TRIM55: variants seen among roughly 807,000 people sequenced by gnomAD.
TRIM55 encodes tripartite motif containing 55.
TRIM55 carries 50 observed loss-of-function variants against 60.9 expected under a neutral mutation model. The ratio of observed to expected loss-of-function variants is 0.82; its 90% CI spans 0.65 to 1.04. TRIM55 has a LOEUF of 1.04. Among genes scored for constraint, TRIM55 ranks in the 50% least tolerant of loss-of-function variants. The pLI, the probability that TRIM55 is intolerant of heterozygous loss-of-function variation, is 0.00. For missense variants in TRIM55, 681 were observed against 666.9 expected (o/e 1.02, Z -0.23); for synonymous variants, 237 against 238.1 (o/e 1.00, Z 0.04).
intron 9 of TRIM55, among the ~76,000 whole-genome samples, chr8:66,158,381 A>G (rs1197053151): frequency 6.6e-6 from 1 of 152,232 alleles, no homozygotes; most frequent in African/African-American, 2.4e-5. Flanking sequence ...TCCATTTTTT[A>G]CATTCTATTC....
intron 4 of TRIM55, among the ~76,000 whole-genome samples, chr8:66,144,893 C>A (rs1405623583): frequency 1.3e-5 from 2 of 152,170 alleles, no homozygotes; most frequent in East Asian, 3.8e-4. Context: ...ATGCAAAAGT[C>A]CACATTTTTT....
At chr8:66,117,003 T>C in the TRIM55 span, among the ~76,000 whole-genome samples, 1 of 152,236 alleles carries the variant, frequency 6.6e-6, no homozygotes, top group African/African-American at 2.4e-5. Context: ...TGGCTCAACA[T>C]TCAAATTCAT....
At chr8:66,122,859 C>T (rs1360603057), upstream of TRIM55, among the ~76,000 whole-genome samples, 3 of 152,124 alleles carry the variant, frequency 2.0e-5, no homozygotes, top group Admixed American at 1.3e-4. Context: ...AGTATAGCAT[C>T]GTATGACAGA....
intron 9 of TRIM55, 83 bp downstream of exon 9, chr8:66,154,417 GT>G (rs1810627627): frequency 7.0e-7 from 1 of 1,432,338 alleles, no homozygotes; most frequent in Non-Finnish European, 9.5e-7. Flanking sequence ...AAGAAAAAGG[GT>G]TTTCAAAGGG....
intron 4 of TRIM55, among the ~76,000 whole-genome samples, chr8:66,142,980 C>T (rs1272286799): frequency 1.3e-5 from 2 of 151,618 alleles, no homozygotes; most frequent in African/African-American, 4.9e-5. Flanking sequence ...TGTTAATCTA[C>T]AGGCTGCTTT....
At chr8:66,131,726 C>G (rs1809170301) in intron 2 of TRIM55, among the ~76,000 whole-genome samples, 1 of 152,198 alleles carries the variant, frequency 6.6e-6, no homozygotes. Flanking sequence ...TCCTGCAGTT[C>G]CAGAGCCTTT....
At position 66,152,615 on chromosome 8, in the gene TRIM55, C is replaced by A. The variant is rs2128981259; in HGVS notation, c.1224C>A (p.Ala408=). The A allele has an allele frequency of 3.1e-6, 5 of 1,613,892 alleles. 1 individual carries two copies. In the East Asian group the frequency reaches 1.1e-4, roughly 36 times the overall value. ...CAGCCCTGCCACCTGCTGCGGATGC[C>A]CCTGTGACACAGGTAACCCCTCCTG... ...PPPALPPAAD[A]PVTQGEVVPT... The change falls in exon 8 of 10, where the codon GCC becomes GCA. Residue 408 remains alanine, a synonymous_variant. Transcript: ENST00000315962.
the TRIM55 span, among the ~76,000 whole-genome samples, chr8:66,114,376 C>T: frequency 6.6e-6 from 1 of 152,186 alleles, no homozygotes; most frequent in Admixed American, 6.5e-5. Flanking sequence ...CACTCTAAAA[C>T]TTCCCAGACA....
chr8:66,122,985 T>A (rs998516855), upstream of TRIM55, among the ~76,000 whole-genome samples: 2 of 152,214 alleles, frequency 1.3e-5, no homozygotes, highest in African/African-American at 4.8e-5. Flanking sequence ...CTATAGAGAA[T>A]CCCTTCCTTT....
At chr8:66,113,358 G>C in the TRIM55 span, 3 of 373,746 alleles carry the variant, frequency 8.0e-6, no homozygotes, top group Non-Finnish European at 1.6e-5. Flanking sequence ...GCCGACACAC[G>C]TACACGTCCC....
At chr8:66,126,284 T>C (rs1014948611), upstream of TRIM55, among the ~76,000 whole-genome samples, 5 of 152,232 alleles carry the variant, frequency 3.3e-5, no homozygotes, top group Non-Finnish European at 7.3e-5. Context: ...AGTTACTACC[T>C]CATTACAGAT....
intron 9 of TRIM55, 146 bp downstream of exon 9, chr8:66,154,480 A>C: frequency 1.1e-6 from 1 of 893,836 alleles, no homozygotes; most frequent in Non-Finnish European, 1.7e-6. Flanking sequence ...TCATCCCCCA[A>C]TGTTGGCTTG....
intron 7 of TRIM55, 99 bp from the exon 8 acceptor site, chr8:66,152,278 C>G: frequency 6.9e-7 from 1 of 1,454,196 alleles, no homozygotes; most frequent in African/African-American, 1.4e-5. Flanking sequence ...AAAAACTCCC[C>G]AGCCTTGACC....
At chr8:66,171,910 T>C (rs1811659023) in intron 9 of TRIM55, among the ~76,000 whole-genome samples, 1 of 152,196 alleles carries the variant, frequency 6.6e-6, no homozygotes. Context: ...GATTAAATCA[T>C]AGAAAAGATG....
At chr8:66,127,868 A>G (rs1190017382) in intron 1 of TRIM55, among the ~76,000 whole-genome samples, 1 of 152,212 alleles carries the variant, frequency 6.6e-6, no homozygotes, top group Admixed American at 6.5e-5. Context: ...AAAAAACTTT[A>G]TAAAGTTGCA....
upstream of TRIM55, chr8:66,127,009 A>G: frequency 2.8e-6 from 1 of 351,452 alleles, no homozygotes; most frequent in Non-Finnish European, 5.2e-6. Context: ...AAGAATGTTG[A>G]CTCCTGCTCT....
At chr8:66,120,369 C>T in the TRIM55 span, among the ~76,000 whole-genome samples, 5 of 152,018 alleles carry the variant, frequency 3.3e-5, no homozygotes, top group African/African-American at 9.7e-5. Flanking sequence ...TGTTATTCAT[C>T]GTGGGCCCTG....
At chr8:66,137,894 C>T (rs755893141) in intron 4 of TRIM55, among the ~76,000 whole-genome samples, 27 of 152,084 alleles carry the variant, frequency 1.8e-4, no homozygotes, top group Middle Eastern at 6.8e-3. Flanking sequence ...ATGTCATTAC[C>T]GGAGGCCTTT....
chr8:66,118,106 T>C, the TRIM55 span, among the ~76,000 whole-genome samples: 3 of 137,604 alleles, frequency 2.2e-5, no homozygotes, highest in African/African-American at 8.4e-5. Flanking sequence ...GAGGCGGAGC[T>C]TGCAGTGAGC....
Sources: allele counts gnomAD v4.1 joint callset (sites outside exome capture counted in the v4.1 genomes callset), GRCh38; gene constraint gnomAD v4.1.1; transcripts MANE v1.5; gene names NCBI Gene and HGNC (gene_info 2026-07-23, HGNC 2026-07-21).